The following NTM variants were observed in gnomAD, a reference collection of about 807,000 sequenced individuals.
The protein encoded by NTM is IgLON family member 2.
Under a neutral mutation model 42.1 loss-of-function variants are expected in NTM, and 13 were observed. The observed-to-expected ratio is 0.31, with a 90% confidence interval of 0.20 to 0.49. The LOEUF (loss-of-function observed/expected upper bound fraction) is 0.49, where lower values mean the gene tolerates loss of function less well. Among genes scored for constraint, NTM ranks in the 20% least tolerant of loss-of-function variants. NTM has a pLI of 0.99. For synonymous variants in NTM, 187 were observed against 179.2 expected (o/e 1.04, Z -0.35); for missense variants, 373 against 452.8 (o/e 0.82, Z 1.60).
intron 3 of NTM, among the ~76,000 whole-genome samples, chr11:132,152,410 T>C (rs2072143775): frequency 6.6e-6 from 1 of 152,238 alleles, no homozygotes; most frequent in Non-Finnish European, 1.5e-5. Flanking sequence ...AGTGGGGGCA[T>C]ACTGATCATC....
intron 1 of NTM, among the ~76,000 whole-genome samples, chr11:131,500,843 GT>G (rs1489658730): frequency 6.7e-6 from 1 of 148,620 alleles, no homozygotes; most frequent in African/African-American, 2.5e-5. Context: ...GCGGTGTTTG[GT>G]TTTTTGTCCT....
chr11:132,055,157 A>T (rs1369240068), intron 2 of NTM, among the ~76,000 whole-genome samples: 3 of 152,192 alleles, frequency 2.0e-5, no homozygotes, highest in East Asian at 3.9e-4. Context: ...TGTTTCTTTG[A>T]CTGTCAATCT....
At chr11:131,456,671 T>C (rs548316222) in intron 1 of NTM, among the ~76,000 whole-genome samples, 41 of 152,282 alleles carry the variant, frequency 2.7e-4, no homozygotes, top group African/African-American at 9.9e-4. Context: ...AATGTTAATT[T>C]GGAGCCAAAG....
intron 1 of NTM, among the ~76,000 whole-genome samples, chr11:131,635,860 T>C (rs2064303477): frequency 6.6e-6 from 1 of 152,198 alleles, no homozygotes; most frequent in African/African-American, 2.4e-5. Context: ...TCTTTTATAC[T>C]CTATTTTTAC....
intron 1 of NTM, among the ~76,000 whole-genome samples, chr11:131,655,198 T>C (rs529930058): frequency 3.5e-4 from 53 of 151,980 alleles, no homozygotes; most frequent in African/African-American, 1.3e-3. Flanking sequence ...AGTATGCGGG[T>C]TTTTCAAGTC....
At chr11:132,219,594 C>T (rs1174360294) in intron 4 of NTM, among the ~76,000 whole-genome samples, 1 of 151,746 alleles carries the variant, frequency 6.6e-6, no homozygotes, top group Non-Finnish European at 1.5e-5. Context: ...CTCATATTTC[C>T]CAAACCAATC....
intron 4 of NTM, among the ~76,000 whole-genome samples, chr11:132,301,936 T>G (rs2094878616): frequency 6.6e-6 from 1 of 152,250 alleles, no homozygotes; most frequent in South Asian, 2.1e-4. Flanking sequence ...ACAAGCTTAT[T>G]CTTGGGTATG....
intron 1 of NTM, among the ~76,000 whole-genome samples, chr11:131,560,369 C>T (rs1281184579): frequency 5.3e-5 from 8 of 152,166 alleles, no homozygotes; most frequent in Non-Finnish European, 1.2e-4. Flanking sequence ...CAAAAATACA[C>T]TATACAAGGT....
intron 1 of NTM, among the ~76,000 whole-genome samples, chr11:131,576,454 T>A (rs1415963742): frequency 1.3e-5 from 2 of 152,172 alleles, no homozygotes; most frequent in Non-Finnish European, 2.9e-5. Flanking sequence ...CATTGTCTTA[T>A]ACTTTTGCTC....
At chr11:131,485,949 C>A (rs1228332902) in intron 1 of NTM, among the ~76,000 whole-genome samples, 3 of 152,062 alleles carry the variant, frequency 2.0e-5, no homozygotes, top group Non-Finnish European at 2.9e-5. Context: ...TGACCTTGGG[C>A]AAATTATTTC....
chr11:132,118,937 G>T (rs1240360088), intron 2 of NTM, among the ~76,000 whole-genome samples: 1 of 152,132 alleles, frequency 6.6e-6, no homozygotes, highest in Non-Finnish European at 1.5e-5. Context: ...GGGTGAAGGG[G>T]CTGGGAGGGG....
intron 1 of NTM, among the ~76,000 whole-genome samples, chr11:131,424,951 C>T (rs534208458): frequency 2.3e-4 from 35 of 150,438 alleles, no homozygotes; most frequent in South Asian, 8.5e-4. Flanking sequence ...TCGATCTTGG[C>T]TCATTGAAAC....
intron 2 of NTM, among the ~76,000 whole-genome samples, chr11:132,039,708 A>G (rs1267339056): frequency 6.6e-6 from 1 of 152,126 alleles, no homozygotes; most frequent in Non-Finnish European, 1.5e-5. Context: ...GAGGAAACAG[A>G]GGCAGGCACC....
chr11:132,132,383 T>C (rs1159691358), intron 2 of NTM, among the ~76,000 whole-genome samples: 1 of 152,290 alleles, frequency 6.6e-6, no homozygotes, highest in East Asian at 1.9e-4. Flanking sequence ...TTTATTTCAT[T>C]TAAGTAGCTG....
intron 4 of NTM, among the ~76,000 whole-genome samples, chr11:132,247,091 A>G (rs2091287936): frequency 6.6e-6 from 1 of 152,066 alleles, no homozygotes; most frequent in South Asian, 2.1e-4. Flanking sequence ...CTTCCTGGGC[A>G]CCAGTTTTCA....
intron 1 of NTM, among the ~76,000 whole-genome samples, chr11:131,572,511 G>A (rs1312711520): frequency 1.3e-5 from 2 of 152,088 alleles, no homozygotes; most frequent in Non-Finnish European, 2.9e-5. Flanking sequence ...ACCTGGCTAT[G>A]CCTTTTGACC....
At chr11:131,998,107 C>A (rs1160913917) in intron 2 of NTM, among the ~76,000 whole-genome samples, 4 of 152,086 alleles carry the variant, frequency 2.6e-5, no homozygotes, top group Admixed American at 1.3e-4. Context: ...ACAGTGGGGC[C>A]ACTTTTCATC....
chr11:131,570,143 A>G (rs913915172), intron 1 of NTM, among the ~76,000 whole-genome samples: 3 of 152,182 alleles, frequency 2.0e-5, no homozygotes, highest in Non-Finnish European at 4.4e-5. Context: ...GTGCTCCCAT[A>G]ACTGAAAACT....
Position 131,697,777 on chromosome 11 carries a change from A to G in NTM, c.83-213787A>G, listed in dbSNP as rs571611458. ...ATAGTCCCTCTTGCGTTATTTAATT[A>G]CTTGCCATCCACAGGAGCCTAAGAA... On this transcript the variant is annotated intron_variant, in intron 1 of 8. Transcript: ENST00000683400. Among the ~76,000 whole-genome samples the G allele has an allele frequency of 1.1e-3, 165 of 152,236 alleles. 1 individual carries two copies. Among genetic ancestry groups the G allele is most frequent in the Middle Eastern group, 6.8e-3 (2 of 294 alleles).
Sources: allele counts gnomAD v4.1 joint callset (sites outside exome capture counted in the v4.1 genomes callset), GRCh38; gene constraint gnomAD v4.1.1; transcripts MANE v1.5; gene names NCBI Gene and HGNC (gene_info 2026-07-23, HGNC 2026-07-21).